Variants in ARHGEF28 observed in about 807,000 individuals in gnomAD.
ARHGEF28 encodes the protein Rho guanine nucleotide exchange factor 28, also known as 190 kDa guanine nucleotide exchange factor.
In ARHGEF28, 152 loss-of-function variants were observed where a neutral mutation model predicts 206.6. The ratio of observed to expected loss-of-function variants is 0.74; its 90% CI spans 0.64 to 0.84. ARHGEF28 has a LOEUF of 0.84. ARHGEF28 is among the 40% of genes least tolerant of loss of function. The pLI is 0.00. For missense variants in ARHGEF28, 2,028 were observed against 2,073.2 expected (o/e 0.98, Z 0.42); for synonymous variants, 763 against 776.4 (o/e 0.98, Z 0.29).
At chr5:73,704,237 C>T (rs568296422) in intron 2 of ARHGEF28, among the ~76,000 whole-genome samples, 4 of 152,060 alleles carry the variant, frequency 2.6e-5, no homozygotes, top group African/African-American at 9.6e-5. Context: ...CAGGGTAGGT[C>T]AGTGAATTTT....
At chr5:73,685,617 T>A (rs1476904521) in intron 2 of ARHGEF28, among the ~76,000 whole-genome samples, 3 of 152,090 alleles carry the variant, frequency 2.0e-5, no homozygotes, top group East Asian at 1.9e-4. Context: ...TTATTTTTTT[T>A]ATTTTTTATT....
Position 73,873,004 on chromosome 5 carries a change from A to G in ARHGEF28, c.2572A>G (p.Met858Val). 1 of 1,613,600 alleles carries G rather than the reference A, an allele frequency of 6.2e-7. No individual in the cohort carries two copies. Among genetic ancestry groups the G allele is most frequent in the South Asian group, 1.1e-5 (1 of 91,018 alleles). Residue 858 changes from methionine (M) to valine (V), a missense_variant, in exon 22 of 36, where the codon ATG (methionine) becomes GTG (valine). Transcript: ENST00000513042. ...TGTGTGCTCACACATTTCAGAGCTA[A>G]TGCAAACAGAGATGCATCACATCCA... ...IKRQDVIFEL[M>V]QTEMHHIQTL...
chr5:73,668,232 T>G (rs1251842316), intron 1 of ARHGEF28, among the ~76,000 whole-genome samples: 1 of 152,222 alleles, frequency 6.6e-6, no homozygotes, highest in Non-Finnish European at 1.5e-5. Context: ...TCAGTCCCCA[T>G]TCTCAGTACC....
Position 73,909,489 on chromosome 5 carries a change from C to A in ARHGEF28, c.4239C>A (p.Gly1413=). The change falls in exon 34 of 36, where the codon GGC becomes GGA. Residue 1413 remains glycine (G), a synonymous_variant. Transcript: ENST00000513042. ...AGCAGCAGGAGGGCCTGTCTCTCGG[C>A]CACTCTATCCTCCGAGGCGGCCCCT... ...VLQQQEGLSL[G]HSILRGGPLQ... 5 of 1,612,166 alleles carry A rather than the reference C, an allele frequency of 3.1e-6. No individual in the cohort carries two copies. The highest frequency in any genetic ancestry group is 4.2e-6 in the Non-Finnish European group (5 of 1,179,364).
At chr5:73,862,086 A>T (rs1040758356) in intron 16 of ARHGEF28, among the ~76,000 whole-genome samples, 47 of 152,230 alleles carry the variant, frequency 3.1e-4, no homozygotes, top group African/African-American at 1.1e-3. Flanking sequence ...TTCTTGGGTA[A>T]TTTTCTTCTT....
intron 2 of ARHGEF28, among the ~76,000 whole-genome samples, chr5:73,707,964 T>G (rs1749032640): frequency 6.6e-6 from 1 of 152,204 alleles, no homozygotes; most frequent in African/African-American, 2.4e-5. Context: ...ACTCTTTGTT[T>G]ATGACTTTTT....
rs575063194 is a variant in ARHGEF28, at chr5:73,801,402, G to A, written c.1024+6011G>A. 3.3e-5 allele frequency among the ~76,000 whole-genome samples: 5 copies of A among 151,898 alleles called. No homozygotes were observed. In the South Asian group the frequency reaches 6.2e-4, roughly 19 times the overall value. ...GCAGAGCTTGCAGTGAGCCGAGATCGCACCACTGCACTCCAGCCTGGGCAA... is the reference window on the plus strand; with the variant it reads ...GCAGAGCTTGCAGTGAGCCGAGATCACACCACTGCACTCCAGCCTGGGCAA... On this transcript the variant is annotated intron_variant, in intron 9 of 35. Transcript: ENST00000513042.
intron 29 of ARHGEF28, among the ~76,000 whole-genome samples, chr5:73,897,298 G>A (rs2112697818): frequency 6.6e-6 from 1 of 152,294 alleles, no homozygotes; most frequent in South Asian, 2.1e-4. Context: ...GGTCTAGTGG[G>A]TTGTGTATGT....
intron 7 of ARHGEF28, among the ~76,000 whole-genome samples, chr5:73,785,649 C>T (rs965098056): frequency 5.9e-5 from 9 of 152,164 alleles, no homozygotes; most frequent in African/African-American, 2.2e-4. Flanking sequence ...GTACCATTTG[C>T]CACTGTATGA....
At chr5:73,629,369 G>C (rs1359964748) in intron 1 of ARHGEF28, among the ~76,000 whole-genome samples, 1 of 152,040 alleles carries the variant, frequency 6.6e-6, no homozygotes, top group East Asian at 1.9e-4. Context: ...GCATGGTGGT[G>C]TGTGGTGTGT....
chr5:73,812,996 A>G (rs1053722348), intron 9 of ARHGEF28, among the ~76,000 whole-genome samples: 4 of 152,170 alleles, frequency 2.6e-5, no homozygotes, highest in African/African-American at 9.7e-5. Context: ...CAAGCTGCCA[A>G]TGGTATGAAA....
Position 73,822,109 on chromosome 5 carries a change from T to C in ARHGEF28, c.1025-10229T>C, listed in dbSNP as rs111662018. ...TAGAATAGGACTCTTTTTAAGGATC[T>C]GGTTTTAGAGACCCAAAGTGTACTT... On this transcript the variant is annotated intron_variant, in intron 9 of 35. Coordinates refer to ENST00000513042, the MANE Select transcript of ARHGEF28 (RefSeq NM_001177693.2). Among the ~76,000 whole-genome samples, 16 of 152,348 alleles carry C rather than the reference T, an allele frequency of 1.1e-4. 2 individuals carry two copies. The highest frequency in any genetic ancestry group is 3.6e-4 in the African/African-American group (15 of 41,584).
intron 1 of ARHGEF28, among the ~76,000 whole-genome samples, chr5:73,670,196 C>T (rs1267942650): frequency 6.6e-6 from 1 of 152,046 alleles, no homozygotes; most frequent in African/African-American, 2.4e-5. Flanking sequence ...CACTGTCTTC[C>T]GTATCTATAA....
chr5:73,709,119 C>G (rs1474623278), intron 2 of ARHGEF28, among the ~76,000 whole-genome samples: 2 of 152,174 alleles, frequency 1.3e-5, no homozygotes, highest in African/African-American at 2.4e-5. Context: ...ATGCTTCTGT[C>G]ATACGTTTGT....
intron 7 of ARHGEF28, among the ~76,000 whole-genome samples, chr5:73,786,985 G>A (rs1237257492): frequency 6.6e-6 from 1 of 152,196 alleles, no homozygotes; most frequent in Non-Finnish European, 1.5e-5. Context: ...AGAGAGAGTT[G>A]TGTGGTGGAT....
Position 73,780,749 on chromosome 5 carries a change from C to T in ARHGEF28, c.910+4C>T, listed in dbSNP as rs375214373. The T allele has an allele frequency of 2.7e-5, 42 of 1,554,904 alleles. No individual in the cohort carries two copies. The highest frequency in any genetic ancestry group is 2.1e-4 in the South Asian group (18 of 84,212). The stretch of plus-strand genomic sequence containing the variant: ...AGCGGTGCAGAAACTGAAGAAGGTA[C>T]GCATGCTCCTTTCCCACTTATGGCA... On this transcript the variant is annotated splice_donor_region_variant and intron_variant, in intron 7 of 35. Transcript: ENST00000513042.
At chr5:73,772,882 G>A (rs1299494078) in intron 4 of ARHGEF28, among the ~76,000 whole-genome samples, 1 of 152,170 alleles carries the variant, frequency 6.6e-6, no homozygotes, top group Non-Finnish European at 1.5e-5. Context: ...TGGGCAAGTG[G>A]CTCCTGGAAT....
chr5:73,758,735 T>C (rs1343979550), intron 4 of ARHGEF28, among the ~76,000 whole-genome samples: 1 of 151,998 alleles, frequency 6.6e-6, no homozygotes, highest in Non-Finnish European at 1.5e-5. Flanking sequence ...TTTGTATTTT[T>C]AGAGATGGGG....
chr5:73,789,724 C>T (rs1754357756), intron 7 of ARHGEF28, among the ~76,000 whole-genome samples: 1 of 151,832 alleles, frequency 6.6e-6, no homozygotes, highest in South Asian at 2.1e-4. Context: ...GCAGCATGGG[C>T]TTCATGTTCA....
Sources: gnomAD v4.1 joint callset for allele counts (sites outside exome capture counted in the v4.1 genomes callset) on GRCh38, gnomAD v4.1.1 for gene constraint, MANE v1.5 for transcripts, NCBI Gene and HGNC (gene_info 2026-07-23, HGNC 2026-07-21) for gene names.